LPP: variants seen among roughly 807,000 people sequenced by gnomAD.
LPP encodes the protein lipoma-preferred partner.
In LPP, 38 loss-of-function variants were observed where a neutral mutation model predicts 60.4. That is an observed-to-expected ratio of 0.63 (90% CI 0.49 to 0.83). The LOEUF (loss-of-function observed/expected upper bound fraction) is 0.83, where lower values mean the gene tolerates loss of function less well. Among genes scored for constraint, LPP ranks in the 40% least tolerant of loss-of-function variants. The pLI is 0.00. For synonymous variants in LPP, 328 were observed against 290.8 expected (o/e 1.13, Z -1.30); for missense variants, 902 against 783.6 (o/e 1.15, Z -1.80).
intron 8 of LPP, among the ~76,000 whole-genome samples, chr3:188,753,901 T>C (rs571455579): frequency 6.6e-6 from 1 of 152,216 alleles, no homozygotes; most frequent in African/African-American, 2.4e-5. Flanking sequence ...TAGAATCAGA[T>C]ATACACAAGC....
In LPP at chr3:188,796,486, A is replaced by G. The variant is rs1409072733; in HGVS notation, c.1410+36204A>G. Among the ~76,000 whole-genome samples, 3 of 152,184 alleles carry G rather than the reference A, an allele frequency of 2.0e-5. No individual in the cohort carries two copies. In the East Asian group the frequency reaches 5.8e-4, roughly 29 times the overall value. On this transcript the variant is annotated intron_variant, in intron 9 of 11. Transcript: ENST00000617246. ...AAAGGTCTTTGGCAATAGGGGAGCT[A>G]TGGAAGCAACATCATGAGTAAGTGA...
chr3:188,556,527 T>G (rs1300649919), intron 6 of LPP, among the ~76,000 whole-genome samples: 4 of 152,098 alleles, frequency 2.6e-5, no homozygotes, highest in African/African-American at 9.7e-5. Context: ...TGACTTATAT[T>G]TCCTTCTTAC....
intron 5 of LPP, among the ~76,000 whole-genome samples, chr3:188,518,343 G>A (rs1817972784): frequency 6.6e-6 from 1 of 152,100 alleles, no homozygotes; most frequent in Admixed American, 6.6e-5. Context: ...AAATTTAAAT[G>A]AAACTACCAT....
intron 9 of LPP, among the ~76,000 whole-genome samples, chr3:188,843,927 T>C (rs1250825569): frequency 6.6e-6 from 1 of 152,088 alleles, no homozygotes; most frequent in Non-Finnish European, 1.5e-5. Context: ...TCTCTCACAC[T>C]CTACACTTTG....
Position 188,609,885 on chromosome 3 carries a change from C to T in LPP, c.1113+41C>T, listed in dbSNP as rs370539065. On this transcript the variant is annotated intron_variant, in intron 7 of 11. Transcript: ENST00000617246. This position sits in a 1 kb window ranked among gnomAD's most constrained non-coding sequence, Gnocchi z 6.9. The stretch of plus-strand genomic sequence containing the variant: ...ACATAAGGAGGAGAATACAGGGGTG[C>T]CTATCTTAGTCTGCCTTCCCCAGGA... The T allele has an allele frequency of 3.2e-5, 49 of 1,547,722 alleles. No individual in the cohort carries two copies. In the African/African-American group the frequency reaches 5.9e-4, roughly 19 times the overall value.
In LPP at chr3:188,563,726, T is replaced by TG. The variant is rs201103652; in HGVS notation, c.429+38939_429+38940insG. Among the ~76,000 whole-genome samples the TG allele has an allele frequency of 5.6e-3, 591 of 104,866 alleles. 3 individuals carry two copies. The highest frequency in any genetic ancestry group is 9.2e-3 in the Non-Finnish European group (432 of 46,934). 68.8% of individuals were successfully genotyped at this position (104,866 alleles called of 152,430 possible). A position where few individuals can be genotyped will look rare whatever the true frequency, so the allele number is the denominator to read the frequency against. Reference sequence around the variant, plus strand: ...GAATTGGAATTGCTTGTGTTTTTTTTTGTTTTTTTTTTGTTTTTTTGAGAT... The same window carrying TG: ...GAATTGGAATTGCTTGTGTTTTTTTTGTGTTTTTTTTTTGTTTTTTTGAGAT... On this transcript the variant is annotated intron_variant, in intron 6 of 11. Transcript: ENST00000617246.
intron 7 of LPP, among the ~76,000 whole-genome samples, chr3:188,694,181 A>T (rs1419748501): frequency 6.6e-6 from 1 of 152,138 alleles, no homozygotes; most frequent in Middle Eastern, 3.2e-3. Context: ...CCGGCAGAAA[A>T]TTTTTCAGTT....
At chr3:188,667,279 C>A (rs1269663070) in intron 7 of LPP, among the ~76,000 whole-genome samples, 1 of 151,936 alleles carries the variant, frequency 6.6e-6, no homozygotes, top group East Asian at 1.9e-4. Flanking sequence ...GAGATAGAGA[C>A]CATCCTGGCT....
chr3:188,754,146 T>A (rs185142513), intron 8 of LPP, among the ~76,000 whole-genome samples: 1 of 152,320 alleles, frequency 6.6e-6, no homozygotes, highest in African/African-American at 2.4e-5. Context: ...TGTCTAAGGC[T>A]ACAGAAGAGC....
At chr3:188,314,681 C>T (rs571733026) in intron 2 of LPP, among the ~76,000 whole-genome samples, 2 of 152,074 alleles carry the variant, frequency 1.3e-5, no homozygotes, top group South Asian at 4.2e-4. Flanking sequence ...ATTAGCTGGG[C>T]ATGGTGTCAT....
At chr3:188,679,299 T>A (rs1858866537) in intron 7 of LPP, among the ~76,000 whole-genome samples, 1 of 152,192 alleles carries the variant, frequency 6.6e-6, no homozygotes, top group African/African-American at 2.4e-5. Flanking sequence ...TGGTTGAAAA[T>A]TGTGAACATT....
chr3:188,395,375 T>C (rs73050755), intron 3 of LPP, among the ~76,000 whole-genome samples: 4,289 of 152,010 alleles, frequency 0.028, 163 homozygotes, highest in African/African-American at 0.092. Flanking sequence ...CGAGCCACCA[T>C]TCCCAGCTAA....
At chr3:188,517,745 A>G (rs774142354) in intron 5 of LPP, among the ~76,000 whole-genome samples, 2 of 152,152 alleles carry the variant, frequency 1.3e-5, no homozygotes, top group Non-Finnish European at 2.9e-5. Context: ...CTTTTTCACT[A>G]CCATGAGAAC....
chr3:188,482,145 C>A (rs1164289426), intron 4 of LPP, among the ~76,000 whole-genome samples: 1 of 152,138 alleles, frequency 6.6e-6, no homozygotes, highest in Non-Finnish European at 1.5e-5. Context: ...GCTTGCTTCC[C>A]CTTCACCTTC....
intron 9 of LPP, among the ~76,000 whole-genome samples, chr3:188,776,824 G>T (rs1055897565): frequency 6.6e-6 from 1 of 152,164 alleles, no homozygotes; most frequent in African/African-American, 2.4e-5. Flanking sequence ...TTTGCAGATA[G>T]TCAACTGAAG....
At chr3:188,254,086 T>A (rs1730843417) in intron 2 of LPP, among the ~76,000 whole-genome samples, 1 of 152,180 alleles carries the variant, frequency 6.6e-6, no homozygotes, top group Admixed American at 6.5e-5. Flanking sequence ...TGCACATGGT[T>A]TTCACTCAAT....
At chr3:188,346,279 A>ATTTTTTTTT (rs1764353289) in intron 3 of LPP, among the ~76,000 whole-genome samples, 1 of 31,986 alleles carries the variant, frequency 3.1e-5, no homozygotes, top group African/African-American at 2.0e-4. Context: ...TTTTTTTTTG[A>ATTTTTTTTT]GACGGAGTCT....
chr3:188,183,552 C>A (rs1269715047), intron 1 of LPP, among the ~76,000 whole-genome samples: 1 of 152,206 alleles, frequency 6.6e-6, no homozygotes, highest in Non-Finnish European at 1.5e-5. Flanking sequence ...TCAGCTGAAG[C>A]TTTTCAAAGA....
At chr3:188,453,131 T>A (rs907590634) in intron 4 of LPP, among the ~76,000 whole-genome samples, 2 of 152,120 alleles carry the variant, frequency 1.3e-5, no homozygotes, top group African/African-American at 4.8e-5. Context: ...CATTTCTCTT[T>A]GACTCTTTCT....
Sources: allele counts gnomAD v4.1 joint callset (sites outside exome capture counted in the v4.1 genomes callset), GRCh38; gene constraint gnomAD v4.1.1; non-coding constraint Gnocchi (gnomAD v3.1); transcripts MANE v1.5; gene names NCBI Gene and HGNC (gene_info 2026-07-23, HGNC 2026-07-21).